Variants in RPP30 observed in about 807,000 individuals in gnomAD.
RPP30 encodes ribonuclease P/MRP subunit p30.
In RPP30, 36 loss-of-function variants were observed where a neutral mutation model predicts 38.6. The observed-to-expected ratio is 0.93, with a 90% CI of 0.71 to 1.23. The LOEUF is 1.23. Among genes scored for constraint, RPP30 ranks in the 50% most tolerant of loss-of-function variants. The pLI is 0.00. For synonymous variants in RPP30, 126 were observed against 112.7 expected, an observed-to-expected ratio of 1.12 and a Z score of -0.75; for missense variants, 321 against 321.7, an observed-to-expected ratio of 1.00 and a Z score of 0.02.
chr10:90,894,079 A>G (rs149674647), intron 6 of RPP30, among the ~76,000 whole-genome samples: 9 of 152,222 alleles, frequency 5.9e-5, no homozygotes, highest in Non-Finnish European at 1.3e-4. Flanking sequence ...GGGCACTTCC[A>G]TCTTTTTTGC....
At chr10:90,883,143 C>T (rs11186347) in intron 5 of RPP30, among the ~76,000 whole-genome samples, 364 of 152,254 alleles carry the variant, frequency 2.4e-3, no homozygotes, top group African/African-American at 8.2e-3. Context: ...CACAATTTAT[C>T]AAACTGATAC....
Position 90,895,493 on chromosome 10 carries a change from G to C in RPP30, c.579+10G>C. 7.3e-7 allele frequency: 1 copy of C among 1,369,176 alleles called. No individual in the cohort carries two copies. The highest frequency in any genetic ancestry group is 9.6e-7 in the Non-Finnish European group (1 of 1,042,030). 84.8% of individuals were successfully genotyped at this position (1,369,176 alleles called of 1,614,324 possible). A position where few individuals can be genotyped will look rare whatever the true frequency, so the allele number is the denominator to read the frequency against. On this transcript the variant is annotated intron_variant, in intron 8 of 10. Transcript: ENST00000371703. The stretch of plus-strand genomic sequence containing the variant: ...TAGTGCTGCAGAAAGGGTAAGTCTA[G>C]CATGAAGTACTTTGTTTTCATCTTT...
chr10:90,902,171 AT>A lies in RPP30; in HGVS notation c.*1494del. 1.1e-6 allele frequency: 1 copy of A among 934,394 alleles called. No individual in the cohort carries two copies. Among genetic ancestry groups the A allele is most frequent in the Non-Finnish European group, 1.3e-6 (1 of 779,226 alleles). The allele number at this position is 934,394 out of a possible 1,614,324, so 57.9% of individuals were successfully genotyped here. A position where few individuals can be genotyped will look rare whatever the true frequency, so the allele number is the denominator to read the frequency against. ...ATACAAATGTTTAAATAAAATATTG[AT>A]TAAAAAAACATTAAAAGTGCATCAT... On this transcript the variant is annotated 3_prime_UTR_variant, in exon 11 of 11. Coordinates refer to ENST00000371703, the MANE Select transcript of RPP30 (RefSeq NM_006413.5).
chr10:90,898,318 T>A (rs1360928025), intron 10 of RPP30, among the ~76,000 whole-genome samples: 2 of 152,196 alleles, frequency 1.3e-5, no homozygotes. Flanking sequence ...TCTGTGACCT[T>A]ATTAGCACTT....
chr10:90,887,373 T>C (rs1847016101), intron 6 of RPP30, among the ~76,000 whole-genome samples: 1 of 151,598 alleles, frequency 6.6e-6, no homozygotes, highest in Non-Finnish European at 1.5e-5. Context: ...ACATAAAAGC[T>C]CTTGTTGGGT....
At chr10:90,875,856 A>G (rs1353221714) in intron 3 of RPP30, among the ~76,000 whole-genome samples, 168 bp from the exon 4 acceptor site, 1 of 152,134 alleles carries the variant, frequency 6.6e-6, no homozygotes, top group African/African-American at 2.4e-5. Context: ...AGATATATAC[A>G]TCTCTTTCTG....
Position 90,895,907 on chromosome 10 carries a change from G to C in RPP30, c.607G>C (p.Val203Leu), listed in dbSNP as rs764936639. Residue 203 changes from valine (V) to leucine (L), a missense_variant, in exon 9 of 11, where the codon GTG becomes CTG. Physicochemically the swap from Val to Leu is conservative, Grantham distance 32 (BLOSUM62 1). Transcript: ENST00000371703. ...RPLEIRGPYD[V>L]ANLGLLFGLS... ...TTTAGAAATAAGAGGGCCATATGAC[G>C]TGGCAAATCTGTATCCTTTTCTGAG... The C allele has an allele frequency of 6.3e-7, 1 of 1,597,456 alleles. No individual in the cohort carries two copies. The highest frequency in any genetic ancestry group is 1.7e-5 in the Admixed American group (1 of 57,824).
intron 5 of RPP30, among the ~76,000 whole-genome samples, chr10:90,883,097 ATC>A (rs1846952706): frequency 6.6e-6 from 1 of 152,124 alleles, no homozygotes; most frequent in Admixed American, 6.5e-5. Context: ...GTTGATGGGC[ATC>A]TCTCTTTTTC....
downstream of RPP30, chr10:90,902,411 G>T: frequency 3.3e-6 from 1 of 304,206 alleles, no homozygotes; most frequent in Admixed American, 3.8e-5. Context: ...GTAGAGATGG[G>T]GTTTTGCCAT....
At chr10:90,882,866 T>C (rs973544256) in intron 5 of RPP30, among the ~76,000 whole-genome samples, 1 of 152,204 alleles carries the variant, frequency 6.6e-6, no homozygotes, top group Non-Finnish European at 1.5e-5. Context: ...AATTCATGCC[T>C]TTCCTTTGCA....
intron 10 of RPP30, among the ~76,000 whole-genome samples, chr10:90,898,389 C>T (rs1041272589): frequency 3.3e-5 from 5 of 152,134 alleles, no homozygotes; most frequent in African/African-American, 1.2e-4. Context: ...GTTTTCGTTG[C>T]CATTGGGATC....
At chr10:90,885,154 G>C (rs1846983325) in intron 5 of RPP30, among the ~76,000 whole-genome samples, 1 of 152,160 alleles carries the variant, frequency 6.6e-6, no homozygotes, top group African/African-American at 2.4e-5. Flanking sequence ...AAAATGCAGA[G>C]TATTACTCAA....
chr10:90,872,096 C>T, intron 1 of RPP30, 28 bp downstream of exon 1: 1 of 1,577,724 alleles, frequency 6.3e-7, no homozygotes, highest in Non-Finnish European at 8.7e-7. Context: ...CGCGCCTGGC[C>T]AACCTCATGC....
rs567973320 is a variant in RPP30 at position 90,887,905 on chromosome 10, CAG to C, written c.432+2005_432+2006del. Among the ~76,000 whole-genome samples, 138 of 152,324 alleles carry C rather than the reference CAG, an allele frequency of 9.1e-4. 1 individual carries two copies. Among genetic ancestry groups the C allele is most frequent in the African/African-American group, 3.2e-3 (133 of 41,576 alleles). ...GAAGTCATTCAGTTCTGTAGTCACACAGGGTTAGGAAAGTTCTGATTGGTTGT... is the reference window on the plus strand; with the variant it reads ...GAAGTCATTCAGTTCTGTAGTCACACGGTTAGGAAAGTTCTGATTGGTTGT... On this transcript the variant is annotated intron_variant, in intron 6 of 10. Coordinates refer to ENST00000371703, the MANE Select transcript of RPP30 (RefSeq NM_006413.5).
chr10:90,903,283 A>G, downstream of RPP30: 1 of 1,575,746 alleles, frequency 6.3e-7, no homozygotes. Context: ...AAAGGTTGGT[A>G]CCCAAGTATA....
At chr10:90,882,729 C>T (rs1054705746) in intron 5 of RPP30, among the ~76,000 whole-genome samples, 3 of 152,066 alleles carry the variant, frequency 2.0e-5, no homozygotes, top group Admixed American at 1.3e-4. Flanking sequence ...TTTGGGAGGC[C>T]GAGGCAGGAT....
Position 90,901,192 on chromosome 10 carries a change from G to A in RPP30, c.*513G>A. 4.7e-6 allele frequency: 1 copy of A among 214,854 alleles called. No individual in the cohort carries two copies. Among genetic ancestry groups the A allele is most frequent in the Non-Finnish European group, 7.0e-6 (1 of 143,012 alleles). 13.3% of individuals were successfully genotyped at this position (214,854 alleles called of 1,614,324 possible). On this transcript the variant is annotated 3_prime_UTR_variant, in exon 11 of 11. Coordinates refer to ENST00000371703, the MANE Select transcript of RPP30 (RefSeq NM_006413.5). ...TGTAGAGACATGGTCTCACTATGTT[G>A]CTGAGGCTGGTCTCAAACTCCTAGG...
chr10:90,872,225 C>G lies in RPP30; in HGVS notation c.82+157C>G, dbSNP rs1243529156. 3 of 654,556 alleles carry G rather than the reference C, an allele frequency of 4.6e-6. No homozygotes were observed. In the African/African-American group the frequency reaches 5.5e-5, roughly 12 times the overall value. 40.5% of individuals were successfully genotyped at this position (654,556 alleles called of 1,614,324 possible). On this transcript the variant is annotated intron_variant, in intron 1 of 10. Transcript: ENST00000371703. ...TGCCCGCCGAGGTGTTGGTCTGATT[C>G]CTAGCGCGGGAAACTCGAAGGTTCT...
intron 5 of RPP30, among the ~76,000 whole-genome samples, chr10:90,881,330 C>T (rs1461102805): frequency 6.6e-6 from 1 of 152,150 alleles, no homozygotes; most frequent in Non-Finnish European, 1.5e-5. Flanking sequence ...CTAAATCTCC[C>T]AGCAAGTTTG....
Sources: gnomAD v4.1 joint callset for allele counts (sites outside exome capture counted in the v4.1 genomes callset) on GRCh38, gnomAD v4.1.1 for gene constraint, MANE v1.5 for transcripts, NCBI Gene and HGNC (gene_info 2026-07-23, HGNC 2026-07-21) for gene names.